Variants in CHST1 observed in about 807,000 individuals in gnomAD.
CHST1 encodes the protein Keratan sulfotransferase.
In CHST1, 10 loss-of-function variants were observed where a neutral mutation model predicts 22.5. That is an observed-to-expected ratio of 0.44 (90% CI 0.27 to 0.75). CHST1 has a LOEUF of 0.75. CHST1 is among the 30% of genes least tolerant of loss of function. CHST1 has a pLI of 0.15. For missense variants in CHST1, 439 were observed against 576.1 expected (o/e 0.76, Z 2.44); for synonymous variants, 267 against 264.5 (o/e 1.01, Z -0.09).
At chr11:45,653,030 C>T (rs45535741) in intron 1 of CHST1, among the ~76,000 whole-genome samples, 1,585 of 152,356 alleles carry the variant, frequency 0.01, 30 homozygotes, top group African/African-American at 0.036. Context: ...AGACTTAGAG[C>T]ATGTTCCTCC....
At chr11:45,662,879 G>A (rs958822272) in intron 1 of CHST1, among the ~76,000 whole-genome samples, 4 of 152,026 alleles carry the variant, frequency 2.6e-5, no homozygotes, top group Non-Finnish European at 4.4e-5. Flanking sequence ...CAGCCCCTCT[G>A]ACAGGGAGGC....
At chr11:45,651,227 T>A (rs2120322358) in intron 3 of CHST1, 1 of 269,832 alleles carries the variant, frequency 3.7e-6, no homozygotes, top group South Asian at 1.5e-4. Flanking sequence ...TATCCTGAGC[T>A]CTGAGTTCCT....
chr11:45,653,292 G>A (rs757896387), intron 1 of CHST1, among the ~76,000 whole-genome samples: 10 of 152,158 alleles, frequency 6.6e-5, no homozygotes, highest in Admixed American at 2.6e-4. Flanking sequence ...AAATCAAGTC[G>A]TGTTTTAAAT....
At chr11:45,664,029 G>A (rs1852166710) in intron 1 of CHST1, among the ~76,000 whole-genome samples, 1 of 152,186 alleles carries the variant, frequency 6.6e-6, no homozygotes, top group Non-Finnish European at 1.5e-5. Context: ...TGAGACAGCA[G>A]GCCCCACTGC....
At chr11:45,653,761 T>C (rs532258083) in intron 1 of CHST1, among the ~76,000 whole-genome samples, 5 of 152,346 alleles carry the variant, frequency 3.3e-5, no homozygotes, top group Admixed American at 1.3e-4. Context: ...CTAGATGCTA[T>C]GGGTCAAATA....
At position 45,647,914 on chromosome 11, in the gene CHST1, T is replaced by G. The variant is rs1012829099; in HGVS notation, c.*1774A>C. ...AGGACTGTGTTTCCTCAGGAAGCCC[T>G]TCTTCCAGTTGGCTAGGACCCCTGG... On this transcript the variant is annotated 3_prime_UTR_variant, in exon 4 of 4. Transcript: ENST00000308064. Among the ~76,000 whole-genome samples, 1 of 152,224 alleles carries G rather than the reference T, an allele frequency of 6.6e-6. No individual in the cohort carries two copies. The highest frequency in any genetic ancestry group is 1.5e-5 in the Non-Finnish European group (1 of 68,040).
At chr11:45,653,322 G>C (rs1298511594) in intron 1 of CHST1, among the ~76,000 whole-genome samples, 1 of 152,068 alleles carries the variant, frequency 6.6e-6, no homozygotes, top group Admixed American at 6.6e-5. Context: ...CACTTCTTTA[G>C]GAATCAGTAC....
At chr11:45,662,419 C>T (rs1217054765) in intron 1 of CHST1, among the ~76,000 whole-genome samples, 2 of 152,210 alleles carry the variant, frequency 1.3e-5, no homozygotes, top group Non-Finnish European at 2.9e-5. Flanking sequence ...CCCTCAGGAA[C>T]CTGAAACAAA....
intron 1 of CHST1, among the ~76,000 whole-genome samples, chr11:45,653,720 A>G (rs1852027399): frequency 6.6e-6 from 1 of 152,226 alleles, no homozygotes; most frequent in African/African-American, 2.4e-5. Flanking sequence ...ACAGACATCT[A>G]TCAGAACTCC....
At chr11:45,663,397 C>T (rs1323244801) in intron 1 of CHST1, among the ~76,000 whole-genome samples, 1 of 152,164 alleles carries the variant, frequency 6.6e-6, no homozygotes, top group Non-Finnish European at 1.5e-5. Context: ...ATCCCTCTCC[C>T]AGCAGGGGCC....
At chr11:45,664,590 C>A (rs1852173475) in intron 1 of CHST1, among the ~76,000 whole-genome samples, 1 of 152,242 alleles carries the variant, frequency 6.6e-6, no homozygotes, top group Non-Finnish European at 1.5e-5. Context: ...GGCTGATCCC[C>A]GGGTCCTACC....
chr11:45,664,582 C>A (rs1338107943), intron 1 of CHST1, among the ~76,000 whole-genome samples: 2 of 152,246 alleles, frequency 1.3e-5, no homozygotes, highest in East Asian at 3.8e-4. Context: ...CTGGGAGGGG[C>A]TGATCCCCGG....
At chr11:45,658,798 C>T (rs1022211211) in intron 1 of CHST1, among the ~76,000 whole-genome samples, 1 of 149,982 alleles carries the variant, frequency 6.7e-6, no homozygotes, top group Admixed American at 6.6e-5. Flanking sequence ...TCCTGTCCCC[C>T]GCCCCACCGA....
rs45464596 is a variant in CHST1 at position 45,656,727 on chromosome 11, C to T, written c.-226-4121G>A. Among the ~76,000 whole-genome samples, 5 of 151,336 alleles carry T rather than the reference C, an allele frequency of 3.3e-5. No individual in the cohort carries two copies. The South Asian group carries it at 6.4e-4, about 19-fold the overall frequency. ...TCTCACTGTGCCTCCCACCCTCCCC[C>T]CCCAGGCACTGCCAGCCAGCTCTCC... On this transcript the variant is annotated intron_variant, in intron 1 of 3. Transcript: ENST00000308064.
At chr11:45,663,676 C>T (rs1852162655) in intron 1 of CHST1, among the ~76,000 whole-genome samples, 1 of 152,074 alleles carries the variant, frequency 6.6e-6, no homozygotes, top group South Asian at 2.1e-4. Context: ...CTCCCCTCCC[C>T]ACCCCATCAC....
chr11:45,664,909 G>A (rs983534025), intron 1 of CHST1, among the ~76,000 whole-genome samples: 2 of 152,172 alleles, frequency 1.3e-5, no homozygotes, highest in Admixed American at 6.5e-5. Flanking sequence ...GCGCCTCGGG[G>A]GCCACCGCGC....
chr11:45,663,825 G>A (rs1486590461), intron 1 of CHST1, among the ~76,000 whole-genome samples: 1 of 152,188 alleles, frequency 6.6e-6, no homozygotes, highest in Non-Finnish European at 1.5e-5. Context: ...CCTTTCCCCA[G>A]CAGCTCCCTA....
chr11:45,655,113 T>C (rs1205404556), intron 1 of CHST1, among the ~76,000 whole-genome samples: 2 of 152,240 alleles, frequency 1.3e-5, no homozygotes, highest in Non-Finnish European at 2.9e-5. Context: ...ACTTACTGGC[T>C]GAGAGATCTT....
Position 45,665,267 on chromosome 11 carries a change from G to GGCGGCGGCGGCAGCAGCC in CHST1, c.-334_-317dup, listed in dbSNP as rs1852185209. On this transcript the variant is annotated 5_prime_UTR_variant, in exon 1 of 4. Transcript: ENST00000308064. This position sits in a 1 kb window ranked among gnomAD's most constrained non-coding sequence, Gnocchi z 4.0. ...TCAGGGTCGCCGGGGACCCGCGGGT[G>GGCGGCGGCGGCAGCAGCC]GCGGCGGCGGCAGCAGCCGCGGCGG... 6.6e-6 allele frequency: 1 copy of GGCGGCGGCGGCAGCAGCC among 151,958 alleles called. No homozygotes were observed. Among genetic ancestry groups the GGCGGCGGCGGCAGCAGCC allele is most frequent in the Non-Finnish European group, 1.5e-5 (1 of 68,050 alleles). The allele number at this position is 151,958 out of a possible 1,614,324, so 9.4% of individuals were successfully genotyped here. A position where few individuals can be genotyped will look rare whatever the true frequency, so the allele number is the denominator to read the frequency against.
Sources: allele counts gnomAD v4.1 joint callset (sites outside exome capture counted in the v4.1 genomes callset), GRCh38; gene constraint gnomAD v4.1.1; non-coding constraint Gnocchi (gnomAD v3.1); transcripts MANE v1.5; gene names NCBI Gene and HGNC (gene_info 2026-07-23, HGNC 2026-07-21).